CHST8: variants seen among roughly 807,000 people sequenced by gnomAD.
CHST8 encodes GALNAC-4-ST1.
In CHST8, 10 loss-of-function variants were observed where a neutral mutation model predicts 15.0. The observed-to-expected ratio is 0.67, with a 90% CI of 0.41 to 1.13. The LOEUF (loss-of-function observed/expected upper bound fraction) is 1.13, where lower values mean the gene tolerates loss of function less well. Among genes scored for constraint, CHST8 ranks in the 50% most tolerant of loss-of-function variants. CHST8 has a pLI of 0.00. For synonymous variants in CHST8, 259 were observed against 256.6 expected, an observed-to-expected ratio of 1.01 and a Z score of -0.09; for missense variants, 634 against 608.2, an observed-to-expected ratio of 1.04 and a Z score of -0.45.
At chr19:33,663,629 G>A (rs1233673061) in intron 1 of CHST8, among the ~76,000 whole-genome samples, 1 of 152,188 alleles carries the variant, frequency 6.6e-6, no homozygotes, top group Non-Finnish European at 1.5e-5. Flanking sequence ...CTAGCACTTT[G>A]GGAGGCAGAG....
chr19:33,680,201 G>A (rs539217217), intron 2 of CHST8, among the ~76,000 whole-genome samples: 1 of 152,242 alleles, frequency 6.6e-6, no homozygotes, highest in Non-Finnish European at 1.5e-5. Flanking sequence ...AGGTTATTGT[G>A]TGAAAGCTAA....
chr19:33,746,141 G>A (rs138002668), intron 3 of CHST8, among the ~76,000 whole-genome samples: 2 of 152,162 alleles, frequency 1.3e-5, no homozygotes, highest in Non-Finnish European at 2.9e-5. Flanking sequence ...CAAGCAAGAT[G>A]TCTGCAAAAC....
In CHST8 at chr19:33,743,503, G is replaced by A. The variant is rs188852560; in HGVS notation, c.131-27910G>A. Among the ~76,000 whole-genome samples the A allele has an allele frequency of 6.6e-5, 10 of 151,978 alleles. No homozygotes were observed. The East Asian group carries it at 1.4e-3, about 21-fold the overall frequency. On this transcript the variant is annotated intron_variant, in intron 3 of 4. Transcript: ENST00000650847. Reference sequence around the variant, plus strand: ...TTTTTAGTAGAGACGGGATTTCACCGTGTTAGCCAGGATGGTCTCGATCTC... The same window carrying A: ...TTTTTAGTAGAGACGGGATTTCACCATGTTAGCCAGGATGGTCTCGATCTC...
chr19:33,644,317 G>A (rs905951823), intron 1 of CHST8, among the ~76,000 whole-genome samples: 48 of 152,146 alleles, frequency 3.2e-4, no homozygotes, highest in Non-Finnish European at 1.9e-4. Flanking sequence ...AGTGTGTGCT[G>A]GGTGCATGTC....
At chr19:33,740,073 T>A (rs1250145024) in intron 3 of CHST8, among the ~76,000 whole-genome samples, 2 of 152,226 alleles carry the variant, frequency 1.3e-5, no homozygotes, top group East Asian at 3.8e-4. Context: ...TAAGTCAATT[T>A]GTCCAGGATG....
intron 1 of CHST8, among the ~76,000 whole-genome samples, chr19:33,648,578 A>T (rs141288885): frequency 1.0e-3 from 153 of 152,330 alleles, no homozygotes; most frequent in African/African-American, 3.4e-3. Flanking sequence ...ATAAAAAATT[A>T]AAAAAATTAA....
chr19:33,626,946 G>A (rs1158906790), intron 1 of CHST8, among the ~76,000 whole-genome samples: 1 of 151,750 alleles, frequency 6.6e-6, no homozygotes, highest in Admixed American at 6.6e-5. Context: ...ACACCACCAT[G>A]TCCATTAATT....
chr19:33,748,935 A>G (rs1974362413), intron 3 of CHST8, among the ~76,000 whole-genome samples: 1 of 152,070 alleles, frequency 6.6e-6, no homozygotes, highest in Admixed American at 6.5e-5. Context: ...CTCGGAGGAG[A>G]GCCTCAAGGA....
At chr19:33,767,612 G>A (rs997283320) in intron 3 of CHST8, among the ~76,000 whole-genome samples, 5 of 152,216 alleles carry the variant, frequency 3.3e-5, no homozygotes, top group African/African-American at 9.7e-5. Context: ...GCCACTCCAC[G>A]CATGTCATCT....
At chr19:33,630,445 T>C (rs2145435473) in intron 1 of CHST8, among the ~76,000 whole-genome samples, 1 of 151,840 alleles carries the variant, frequency 6.6e-6, no homozygotes. Context: ...GTGCAGGCAG[T>C]CTGTCTACAC....
intron 3 of CHST8, among the ~76,000 whole-genome samples, chr19:33,700,453 C>T (rs1306459121): frequency 6.6e-6 from 1 of 152,222 alleles, no homozygotes; most frequent in East Asian, 1.9e-4. Context: ...GGCCACCTCG[C>T]CCTCCCATGC....
intron 1 of CHST8, among the ~76,000 whole-genome samples, chr19:33,631,287 A>T (rs1317149902): frequency 6.6e-6 from 1 of 152,038 alleles, no homozygotes; most frequent in Non-Finnish European, 1.5e-5. Context: ...CCTCCTATAG[A>T]CATCTGGGTC....
At position 33,773,202 on chromosome 19, in the gene CHST8, G is replaced by A; in HGVS notation, c.*139G>A. ...GAGCCATCGCTGTGGGAGGCAGCAG[G>A]CCCCGGGTGGGGGGCAGAGGCGCCC... On this transcript the variant is annotated 3_prime_UTR_variant, in exon 5 of 5. Coordinates refer to ENST00000650847, the MANE Select transcript of CHST8 (RefSeq NM_001127895.2). 1.9e-6 allele frequency: 2 copies of A among 1,047,016 alleles called. No individual in the cohort carries two copies. The highest frequency in any genetic ancestry group is 1.7e-5 in the South Asian group (1 of 59,036). The allele number at this position is 1,047,016 out of a possible 1,614,324, so 64.9% of individuals were successfully genotyped here.
chr19:33,764,172 C>G (rs1974787791), intron 3 of CHST8, among the ~76,000 whole-genome samples: 1 of 152,234 alleles, frequency 6.6e-6, no homozygotes, highest in Admixed American at 6.5e-5. Flanking sequence ...AAAGCACCAG[C>G]CTTTCCACAG....
intron 1 of CHST8, among the ~76,000 whole-genome samples, chr19:33,639,840 A>ATT (rs55789565): frequency 5.1e-5 from 7 of 138,104 alleles, no homozygotes; most frequent in Non-Finnish European, 7.8e-5. Flanking sequence ...AGCAAATCAA[A>ATT]TTTTTTTTTT....
chr19:33,725,942 C>T (rs77739074), intron 3 of CHST8, among the ~76,000 whole-genome samples: 1 of 152,184 alleles, frequency 6.6e-6, no homozygotes, highest in Non-Finnish European at 1.5e-5. Flanking sequence ...CCGCTCAGGG[C>T]TCTTGCCTGG....
At chr19:33,682,692 T>C (rs1972910599) in intron 2 of CHST8, among the ~76,000 whole-genome samples, 2 of 152,242 alleles carry the variant, frequency 1.3e-5, no homozygotes, top group Admixed American at 6.5e-5. Flanking sequence ...CTTAACATGA[T>C]GGCTTCAAGA....
In CHST8 at chr19:33,652,537, G is replaced by A. The variant is rs187959238; in HGVS notation, c.-163-15230G>A. Among the ~76,000 whole-genome samples the A allele has an allele frequency of 8.8e-4, 134 of 151,812 alleles. 1 individual carries two copies. The highest frequency in any genetic ancestry group is 1.5e-3 in the Admixed American group (23 of 15,220). ...ACTACAGGCGCCCAGCAACACGCCC[G>A]GCTAATTCTTGTATCTTTATTAGAG... On this transcript the variant is annotated intron_variant, in intron 1 of 4. Transcript: ENST00000650847.
chr19:33,688,618 C>T (rs1973032013), intron 2 of CHST8, among the ~76,000 whole-genome samples: 1 of 152,126 alleles, frequency 6.6e-6, no homozygotes, highest in Non-Finnish European at 1.5e-5. Flanking sequence ...CTGGCTGTCA[C>T]AGGAGAGTCC....
Sources: gnomAD v4.1 joint callset for allele counts (sites outside exome capture counted in the v4.1 genomes callset) on GRCh38, gnomAD v4.1.1 for gene constraint, MANE v1.5 for transcripts, NCBI Gene and HGNC (gene_info 2026-07-23, HGNC 2026-07-21) for gene names.